FBXW8: variants seen among roughly 807,000 people sequenced by gnomAD.
The protein encoded by FBXW8 is F-box and WD repeat domain containing 8.
FBXW8 carries 57 observed loss-of-function variants against 65.3 expected under a neutral mutation model. That is an observed-to-expected ratio of 0.87 (90% CI 0.71 to 1.09). The LOEUF (loss-of-function observed/expected upper bound fraction) is 1.09, where lower values mean the gene tolerates loss of function less well. Ranked by LOEUF, FBXW8 falls within the 50% of genes least tolerant of loss-of-function variation. FBXW8 has a pLI of 0.00. For synonymous variants in FBXW8, 308 were observed against 330.2 expected, an observed-to-expected ratio of 0.93 and a Z score of 0.73; for missense variants, 777 against 814.8, an observed-to-expected ratio of 0.95 and a Z score of 0.57.
chr12:116,985,215 A>T lies in FBXW8; in HGVS notation c.845A>T (p.Asn282Ile), dbSNP rs377396777. 1.7e-5 allele frequency: 27 copies of T among 1,601,254 alleles called. No homozygotes were observed. The highest frequency in any genetic ancestry group is 2.3e-5 in the Non-Finnish European group (27 of 1,175,920). Residue 282 changes from asparagine to isoleucine, a missense_variant, in exon 6 of 11, where the codon AAT becomes ATT. Asn to Ile is a moderately radical substitution (Grantham distance 149). Coordinates refer to ENST00000652555, the MANE Select transcript of FBXW8 (RefSeq NM_153348.3). ...GTTTCTTGCTGCATAGGGTTTCTTA[A>T]TATTTGGGATTTAAGGACCGGAAAG... is the stretch of plus-strand genomic sequence containing the variant. ...AVAAYEDGFL[N>I]IWDLRTGKYP...
At chr12:116,968,290 A>G (rs1370079960) in intron 5 of FBXW8, among the ~76,000 whole-genome samples, 3 of 152,128 alleles carry the variant, frequency 2.0e-5, no homozygotes, top group African/African-American at 7.2e-5. Context: ...CATATTTTTT[A>G]CTTTCTTGTA....
intron 5 of FBXW8, among the ~76,000 whole-genome samples, chr12:116,968,281 A>C (rs1348584271): frequency 6.6e-6 from 1 of 152,202 alleles, no homozygotes; most frequent in Admixed American, 6.5e-5. Context: ...TGAAGTAACC[A>C]TATTTTTTAC....
intron 2 of FBXW8, among the ~76,000 whole-genome samples, chr12:116,944,334 ACT>A (rs973721070): frequency 3.8e-4 from 58 of 151,994 alleles, no homozygotes; most frequent in African/African-American, 1.2e-3. Flanking sequence ...CTGCAAACTA[ACT>A]CTCTGTCAGT....
chr12:116,960,335 G>A (rs114135955), intron 4 of FBXW8, among the ~76,000 whole-genome samples: 1,572 of 152,248 alleles, frequency 0.01, 25 homozygotes, highest in African/African-American at 0.036. Flanking sequence ...TTGAGAGCCC[G>A]CTGCTGAGTC....
At chr12:116,973,410 G>A (rs922909355) in intron 5 of FBXW8, among the ~76,000 whole-genome samples, 3 of 152,214 alleles carry the variant, frequency 2.0e-5, no homozygotes, top group African/African-American at 7.2e-5. Flanking sequence ...TTAAAAGGCA[G>A]GAAAAGATAA....
intron 5 of FBXW8, 108 bp from the exon 6 acceptor site, chr12:116,985,098 C>A: frequency 1.1e-6 from 1 of 923,634 alleles, no homozygotes; most frequent in Non-Finnish European, 1.6e-6. Flanking sequence ...GGTCTCATTT[C>A]CAAGGTATCT....
chr12:116,957,900 A>G (rs1883749466), intron 4 of FBXW8, among the ~76,000 whole-genome samples: 1 of 152,234 alleles, frequency 6.6e-6, no homozygotes, highest in Admixed American at 6.5e-5. Context: ...AGAGCATTAC[A>G]TTTATTATAT....
Position 116,954,494 on chromosome 12 carries a change from T to A in FBXW8, c.677+4788T>A, listed in dbSNP as rs180880779. Among the ~76,000 whole-genome samples, 632 of 152,328 alleles carry A rather than the reference T, an allele frequency of 4.1e-3. 5 individuals are homozygous for A. The highest frequency in any genetic ancestry group is 0.014 in the African/African-American group (583 of 41,578). ...TTTTGTTATATGTATGTTATGAATATTTTATGTATAGATGTCTGCAAATTT... is the reference window on the plus strand; with the variant it reads ...TTTTGTTATATGTATGTTATGAATAATTTATGTATAGATGTCTGCAAATTT... On this transcript the variant is annotated intron_variant, in intron 4 of 10. Coordinates refer to ENST00000652555, the MANE Select transcript of FBXW8 (RefSeq NM_153348.3).
intron 7 of FBXW8, among the ~76,000 whole-genome samples, chr12:117,009,161 C>T (rs1953745921): frequency 6.6e-6 from 1 of 152,140 alleles, no homozygotes. Flanking sequence ...CACTTGAGCT[C>T]AAAAGTTTGA....
At chr12:117,025,164 T>C (rs1954194521) in intron 9 of FBXW8, among the ~76,000 whole-genome samples, 1 of 152,110 alleles carries the variant, frequency 6.6e-6, no homozygotes, top group African/African-American at 2.4e-5. Flanking sequence ...CAGCCGGCCC[T>C]CTCGCTTGCT....
At chr12:116,921,024 C>T (rs542304864) in intron 1 of FBXW8, among the ~76,000 whole-genome samples, 25 of 152,156 alleles carry the variant, frequency 1.6e-4, no homozygotes, top group Non-Finnish European at 2.9e-4. Context: ...CATTTTGCTT[C>T]ACACCACCCT....
At chr12:116,952,723 T>C (rs1333389154) in intron 4 of FBXW8, among the ~76,000 whole-genome samples, 1 of 152,248 alleles carries the variant, frequency 6.6e-6, no homozygotes, top group African/African-American at 2.4e-5. Flanking sequence ...GTAAGCATCT[T>C]TTTAAAATTT....
intron 8 of FBXW8, among the ~76,000 whole-genome samples, chr12:117,011,474 C>G (rs1038686573): frequency 1.3e-5 from 2 of 152,206 alleles, no homozygotes; most frequent in Non-Finnish European, 2.9e-5. Flanking sequence ...CCTAAAATGG[C>G]TGATGTTCCG....
intron 8 of FBXW8, among the ~76,000 whole-genome samples, chr12:117,015,178 C>T (rs1019223417): frequency 5.9e-5 from 9 of 152,152 alleles, no homozygotes; most frequent in Non-Finnish European, 1.0e-4. Context: ...TGTTGGAGCC[C>T]ATACTCAGGG....
In FBXW8 at chr12:117,029,262, T is replaced by C. The variant is rs1410689333; in HGVS notation, c.*1090T>C. On this transcript the variant is annotated 3_prime_UTR_variant, in exon 11 of 11. Coordinates refer to ENST00000652555, the MANE Select transcript of FBXW8 (RefSeq NM_153348.3). ...CCCAACCCCAAGACACTGCACCCTA[T>C]GGGCTATACCCTCAGGCAGGGCCCT... 1 of 152,232 alleles carries C rather than the reference T, an allele frequency of 6.6e-6. No homozygotes were observed. Among genetic ancestry groups the C allele is most frequent in the Non-Finnish European group, 1.5e-5 (1 of 68,060 alleles). 9.4% of individuals were successfully genotyped at this position (152,232 alleles called of 1,614,324 possible).
intron 2 of FBXW8, among the ~76,000 whole-genome samples, chr12:116,933,878 G>A (rs1441622688): frequency 6.6e-6 from 1 of 152,160 alleles, no homozygotes; most frequent in Non-Finnish European, 1.5e-5. Flanking sequence ...TCCTTCTGTG[G>A]AATGTCCTGC....
chr12:116,985,519 C>T, intron 6 of FBXW8, 117 bp downstream of exon 6: 1 of 976,794 alleles, frequency 1.0e-6, no homozygotes, highest in Non-Finnish European at 1.5e-6. Flanking sequence ...GCGGGCCTTA[C>T]CTCCATAAGT....
rs144048986 is a variant in FBXW8 at position 116,923,153 on chromosome 12, C to G, written c.319-4870C>G. Among the ~76,000 whole-genome samples, 828 of 152,242 alleles carry G rather than the reference C, an allele frequency of 5.4e-3. 11 individuals carry two copies. The highest frequency in any genetic ancestry group is 0.019 in the African/African-American group (799 of 41,552). The stretch of plus-strand genomic sequence containing the variant: ...CCTGGGAGGCAGAGGTTTCATTGAG[C>G]CAGGATCGTGCCACTGCACTCCAGA... On this transcript the variant is annotated intron_variant, in intron 1 of 10. Coordinates refer to ENST00000652555, the MANE Select transcript of FBXW8 (RefSeq NM_153348.3).
intron 5 of FBXW8, among the ~76,000 whole-genome samples, chr12:116,969,539 G>A (rs1285792327): frequency 1.3e-5 from 2 of 152,160 alleles, no homozygotes; most frequent in Non-Finnish European, 2.9e-5. Flanking sequence ...TGGCACTTCT[G>A]AGGCAGAAAC....
Sources: allele counts gnomAD v4.1 joint callset (sites outside exome capture counted in the v4.1 genomes callset), GRCh38; gene constraint gnomAD v4.1.1; transcripts MANE v1.5; gene names NCBI Gene and HGNC (gene_info 2026-07-23, HGNC 2026-07-21).